Variants in ZMYM2 observed in about 807,000 individuals in gnomAD.
ZMYM2 encodes the protein zinc finger MYM-type protein 2.
Under a neutral mutation model 162.8 loss-of-function variants are expected in ZMYM2, and 56 were observed. The observed-to-expected ratio is 0.34, with a 90% CI of 0.28 to 0.43. The LOEUF is 0.43. Ranked by LOEUF, ZMYM2 falls within the 20% of genes least tolerant of loss-of-function variation. ZMYM2 has a pLI of 1.00. For missense variants in ZMYM2, 1,275 were observed against 1,621.8 expected, an observed-to-expected ratio of 0.79 and a Z score of 3.67; for synonymous variants, 510 against 541.6, an observed-to-expected ratio of 0.94 and a Z score of 0.81.
At chr13:20,074,196 TTGTGTGTGTGTGTGTGTG>T (rs59855358) in intron 21 of ZMYM2, among the ~76,000 whole-genome samples, 5 of 141,498 alleles carry the variant, frequency 3.5e-5, no homozygotes, top group African/African-American at 7.9e-5. Flanking sequence ...ATGTCAGAAT[TTGTGTGTGTGTGTGTGTG>T]TGTGTGTGTG....
At chr13:20,072,540 A>G (rs1305618606) in intron 21 of ZMYM2, among the ~76,000 whole-genome samples, 2 of 152,076 alleles carry the variant, frequency 1.3e-5, no homozygotes, top group African/African-American at 4.8e-5. Flanking sequence ...ATAAATAAAT[A>G]ATAATTTTTA....
chr13:19,948,501 T>C, the ZMYM2 span, among the ~76,000 whole-genome samples: 2 of 152,154 alleles, frequency 1.3e-5, no homozygotes, highest in African/African-American at 4.8e-5. Flanking sequence ...AATAAGCTGA[T>C]CTGAAAAGTC....
At chr13:20,040,147 G>GT (rs1179827229) in intron 12 of ZMYM2, among the ~76,000 whole-genome samples, 1 of 152,176 alleles carries the variant, frequency 6.6e-6, no homozygotes, top group Admixed American at 6.5e-5. Flanking sequence ...TTTTGGAATA[G>GT]TTTCAGTAGG....
chr13:19,943,251 A>G, the ZMYM2 span, among the ~76,000 whole-genome samples: 1 of 152,296 alleles, frequency 6.6e-6, no homozygotes, highest in African/African-American at 2.4e-5. Flanking sequence ...CTTTTCATAA[A>G]GAGATCAGTC....
At chr13:19,997,642 G>T (rs751039816) in intron 3 of ZMYM2, among the ~76,000 whole-genome samples, 3 of 152,006 alleles carry the variant, frequency 2.0e-5, no homozygotes, top group Non-Finnish European at 2.9e-5. Flanking sequence ...GTCTTTCATT[G>T]TAACCTTGCC....
the ZMYM2 span, among the ~76,000 whole-genome samples, chr13:19,869,713 G>A: frequency 4.6e-5 from 7 of 152,034 alleles, no homozygotes; most frequent in East Asian, 1.9e-4. Flanking sequence ...GCTTGAGCCC[G>A]GAAGGTTGAG....
intron 12 of ZMYM2, among the ~76,000 whole-genome samples, chr13:20,042,179 T>A (rs1954316268): frequency 6.6e-6 from 1 of 152,190 alleles, no homozygotes; most frequent in Non-Finnish European, 1.5e-5. Flanking sequence ...TCTCCCCATC[T>A]CTTTCAGGGA....
the ZMYM2 span, among the ~76,000 whole-genome samples, chr13:19,877,485 G>C: frequency 1.3e-5 from 2 of 152,156 alleles, no homozygotes; most frequent in South Asian, 2.1e-4. Context: ...CTGCCTCCTT[G>C]GGAAGGCATT....
chr13:20,067,054 T>C (rs1956734291), intron 20 of ZMYM2, 35 bp downstream of exon 20: 1 of 1,534,834 alleles, frequency 6.5e-7, no homozygotes, highest in Non-Finnish European at 8.7e-7. Flanking sequence ...CTAAGTCCTA[T>C]TTAAAATCAA....
At chr13:19,961,866 CTAAA>C (rs1434675154) in intron 2 of ZMYM2, among the ~76,000 whole-genome samples, 4 of 152,194 alleles carry the variant, frequency 2.6e-5, no homozygotes, top group Non-Finnish European at 5.9e-5. Flanking sequence ...TTGGCCTTGA[CTAAA>C]TAAGTACTTT....
the ZMYM2 span, among the ~76,000 whole-genome samples, chr13:19,878,232 T>C: frequency 6.6e-6 from 1 of 152,064 alleles, no homozygotes; most frequent in African/African-American, 2.4e-5. Context: ...TTTGTATTTT[T>C]AGTAGATACA....
chr13:20,026,560 T>C, intron 7 of ZMYM2, 52 bp from the exon 8 acceptor site: 7 of 1,518,348 alleles, frequency 4.6e-6, no homozygotes, highest in South Asian at 1.3e-5. Context: ...GGTAATTCTT[T>C]TCTAGTTAAG....
chr13:19,994,469 G>A (rs578126411), intron 3 of ZMYM2, among the ~76,000 whole-genome samples: 1 of 152,258 alleles, frequency 6.6e-6, no homozygotes, highest in African/African-American at 2.4e-5. Flanking sequence ...TTAAAGAACA[G>A]TGTAATATTG....
the ZMYM2 span, among the ~76,000 whole-genome samples, chr13:19,893,473 C>T: frequency 6.6e-6 from 1 of 151,910 alleles, no homozygotes; most frequent in Non-Finnish European, 1.5e-5. Context: ...CACGGTGGCT[C>T]ACGCCTGTAA....
the ZMYM2 span, among the ~76,000 whole-genome samples, chr13:19,923,761 C>T: frequency 6.8e-6 from 1 of 147,412 alleles, no homozygotes; most frequent in Non-Finnish European, 1.5e-5. Flanking sequence ...ACCTCTGCCT[C>T]CCGGGTTTAA....
chr13:20,009,209 C>T (rs1308256865), intron 6 of ZMYM2, among the ~76,000 whole-genome samples: 1 of 152,018 alleles, frequency 6.6e-6, no homozygotes, highest in Non-Finnish European at 1.5e-5. Flanking sequence ...TGGACTTCAG[C>T]GCAGACAAAA....
rs117942258 is a variant in ZMYM2 at position 20,023,775 on chromosome 13, A to G, written c.1585-2837A>G. Among the ~76,000 whole-genome samples, 834 of 152,340 alleles carry G rather than the reference A, an allele frequency of 5.5e-3. 3 individuals carry two copies. Among genetic ancestry groups the G allele is most frequent in the Non-Finnish European group, 8.1e-3 (548 of 68,034 alleles). On this transcript the variant is annotated intron_variant, in intron 7 of 24. Transcript: ENST00000610343. Reference sequence around the variant, plus strand: ...AAATATGATTATTTTGATTGCTTACATATAAAGCTGAGTAAACATGGCATA... The same window carrying G: ...AAATATGATTATTTTGATTGCTTACGTATAAAGCTGAGTAAACATGGCATA...
chr13:20,084,305 G>T (rs1358377202), intron 24 of ZMYM2, among the ~76,000 whole-genome samples: 1 of 152,144 alleles, frequency 6.6e-6, no homozygotes, highest in Non-Finnish European at 1.5e-5. Context: ...GAGCCATTGC[G>T]CCTGTCATTG....
chr13:19,949,868 C>A, the ZMYM2 span, among the ~76,000 whole-genome samples: 7 of 119,702 alleles, frequency 5.8e-5, no homozygotes, highest in Admixed American at 1.2e-4. Context: ...GCCTGGGTGA[C>A]AGAGCGAGAC....
Sources: allele counts gnomAD v4.1 joint callset (sites outside exome capture counted in the v4.1 genomes callset), GRCh38; gene constraint gnomAD v4.1.1; transcripts MANE v1.5; gene names NCBI Gene and HGNC (gene_info 2026-07-23, HGNC 2026-07-21).